The following NCOA7 variants were observed in gnomAD, a reference collection of about 807,000 sequenced individuals.
NCOA7 encodes the protein nuclear receptor coactivator 7.
NCOA7 carries 45 observed loss-of-function variants against 104.3 expected under a neutral mutation model. That is an observed-to-expected ratio of 0.43 (90% CI 0.34 to 0.55). The LOEUF (loss-of-function observed/expected upper bound fraction) is 0.55. Ranked by LOEUF, NCOA7 falls within the 20% of genes least tolerant of loss-of-function variation. The probability of loss-of-function intolerance (pLI) is 0.02; values close to 1 mark genes in which losing one functional copy is unlikely to be tolerated. For missense variants in NCOA7, 1,041 were observed against 1,119.7 expected (o/e 0.93, Z 1.00); for synonymous variants, 398 against 402.3 (o/e 0.99, Z 0.13).
intron 10 of NCOA7, among the ~76,000 whole-genome samples, chr6:125,907,082 A>T (rs76863664): frequency 0.028 from 4,201 of 152,270 alleles, 191 homozygotes; most frequent in African/African-American, 0.09. Flanking sequence ...CTCTTGTGGG[A>T]CAGGCCATGT....
chr6:125,810,415 A>G (rs541853426), intron 1 of NCOA7: 1 of 152,264 alleles, frequency 6.6e-6, no homozygotes, highest in South Asian at 2.1e-4. Flanking sequence ...GACTATCCTG[A>G]TTTAAGATTG....
rs147638589 is a variant in NCOA7, at chr6:125,832,480, G to A, written c.50+17076G>A. The stretch of plus-strand genomic sequence containing the variant: ...TATTTTATTATTTGCCAGGCAAGAG[G>A]ACACACACATGTTCATTGGTAATGC... On this transcript the variant is annotated intron_variant, in intron 2 of 15. Transcript: ENST00000392477. Among the ~76,000 whole-genome samples the A allele has an allele frequency of 8.2e-4, 125 of 152,350 alleles. 2 individuals are homozygous for A. Among genetic ancestry groups the A allele is most frequent in the African/African-American group, 2.9e-3 (119 of 41,576 alleles).
chr6:125,860,374 G>A (rs942458159), intron 3 of NCOA7, among the ~76,000 whole-genome samples: 3 of 152,156 alleles, frequency 2.0e-5, no homozygotes, highest in Admixed American at 6.5e-5. Flanking sequence ...TTGAGACAGA[G>A]TCTTGCTCTG....
At chr6:125,789,120 A>G (rs1774616904), upstream of NCOA7, among the ~76,000 whole-genome samples, 1 of 152,232 alleles carries the variant, frequency 6.6e-6, no homozygotes, top group Non-Finnish European at 1.5e-5. Flanking sequence ...CGTGTTACTT[A>G]TACATCAGAT....
At chr6:125,836,574 C>A (rs1779623972) in intron 2 of NCOA7, among the ~76,000 whole-genome samples, 1 of 152,168 alleles carries the variant, frequency 6.6e-6, no homozygotes. Context: ...GCCTTTAACT[C>A]AGCCAAAATA....
chr6:125,809,756 G>A (rs1776797314), intron 1 of NCOA7, among the ~76,000 whole-genome samples: 1 of 152,182 alleles, frequency 6.6e-6, no homozygotes, highest in South Asian at 2.1e-4. Context: ...AAGCCTCAAT[G>A]TGTACTCCTG....
At chr6:125,924,707 T>C (rs1373119212) in intron 13 of NCOA7, among the ~76,000 whole-genome samples, 1 of 152,094 alleles carries the variant, frequency 6.6e-6, no homozygotes, top group Non-Finnish European at 1.5e-5. Flanking sequence ...ATCTAATTAA[T>C]CTCAGTTATA....
rs994538148 is a variant in NCOA7 at position 125,900,071 on chromosome 6, C to A, written c.2096+9261C>A. 7.5e-6 allele frequency: 4 copies of A among 531,684 alleles called. No individual in the cohort carries two copies. In the African/African-American group the frequency reaches 7.7e-5, roughly 10 times the overall value. The allele number at this position is 531,684 out of a possible 1,614,324, so 32.9% of individuals were successfully genotyped here. On this transcript the variant is annotated intron_variant, in intron 10 of 15. Coordinates refer to ENST00000392477, the MANE Select transcript of NCOA7 (RefSeq NM_181782.5). ...TTGCAAACCTAAATGCCTGCAGGGG[C>A]TGTGGAATGGGGGTAAAGGAAGCAT...
chr6:125,795,220 A>G (rs1347505214), intron 1 of NCOA7, among the ~76,000 whole-genome samples: 1 of 152,230 alleles, frequency 6.6e-6, no homozygotes, highest in Non-Finnish European at 1.5e-5. Flanking sequence ...AGCCTTTGGC[A>G]TAAAAATGAT....
chr6:125,896,974 A>G (rs757887621), intron 10 of NCOA7, among the ~76,000 whole-genome samples: 1 of 152,244 alleles, frequency 6.6e-6, no homozygotes, highest in African/African-American at 2.4e-5. Context: ...TAAACTCATT[A>G]TGTATAAGTT....
At chr6:125,821,890 G>C (rs1050647200) in intron 2 of NCOA7, among the ~76,000 whole-genome samples, 3 of 152,194 alleles carry the variant, frequency 2.0e-5, no homozygotes, top group Non-Finnish European at 4.4e-5. Flanking sequence ...CAGAGTCTGA[G>C]GTCCAGTGGA....
chr6:125,840,876 T>G (rs1780090368), intron 2 of NCOA7, among the ~76,000 whole-genome samples: 1 of 16,660 alleles, frequency 6.0e-5, no homozygotes, highest in African/African-American at 1.5e-4. Context: ...TGGTTTTTTT[T>G]TTTTTTTTTT....
chr6:125,789,649 AAATT>A (rs1289867375), upstream of NCOA7, among the ~76,000 whole-genome samples: 2 of 152,266 alleles, frequency 1.3e-5, no homozygotes, highest in African/African-American at 4.8e-5. Context: ...CCTGACGTCT[AAATT>A]AATACGTGCT....
rs1483676895 is a variant in NCOA7, at chr6:125,889,784, A to T, written c.1730A>T (p.Glu577Val). ...AGDPITEGNK[E>V]PDKTWVKKGE... ...GATCCCATAACTGAGGGCAATAAAG[A>T]GCCAGATAAGACCTGGGTGAAAAAG... is the stretch of plus-strand genomic sequence containing the variant. The change falls in exon 9 of 16, where the codon GAG (glutamate) becomes GTG (valine). Residue 577 changes from glutamate to valine, a missense_variant. By Grantham distance (121) the Glu-to-Val change is moderately radical (BLOSUM62 -2). Around this residue, in one of 2 missense-constraint regions of NCOA7, gnomAD observed 914 missense variants for 942.7 expected, o/e 0.97. Coordinates refer to ENST00000392477, the MANE Select transcript of NCOA7 (RefSeq NM_181782.5). 6.2e-7 allele frequency: 1 copy of T among 1,612,066 alleles called. No individual in the cohort carries two copies. Among genetic ancestry groups the T allele is most frequent in the Non-Finnish European group, 8.5e-7 (1 of 1,179,418 alleles).
intron 2 of NCOA7, among the ~76,000 whole-genome samples, chr6:125,853,947 G>C (rs1544292): frequency 0.54 from 81,499 of 151,626 alleles, 22,175 homozygotes; most frequent in East Asian, 0.73. Flanking sequence ...GAACAATGCA[G>C]TGAAATATCA....
intron 2 of NCOA7, among the ~76,000 whole-genome samples, chr6:125,842,405 T>C (rs1268804863): frequency 6.6e-6 from 1 of 152,218 alleles, no homozygotes; most frequent in Non-Finnish European, 1.5e-5. Flanking sequence ...CAGAATTATG[T>C]CACTGCAATA....
intron 3 of NCOA7, among the ~76,000 whole-genome samples, chr6:125,860,648 C>T (rs886230508): frequency 1.6e-4 from 25 of 152,218 alleles, no homozygotes; most frequent in East Asian, 1.5e-3. Flanking sequence ...GCACCCCGCC[C>T]GGATCCTTTT....
chr6:125,888,879 A>T, intron 8 of NCOA7, 60 bp from the exon 9 acceptor site: 1 of 1,338,168 alleles, frequency 7.5e-7, no homozygotes, highest in Non-Finnish European at 1.0e-6. Context: ...CCTTTCCTCC[A>T]TTTTGTTTTT....
chr6:125,872,682 C>G (rs142260623), intron 3 of NCOA7, among the ~76,000 whole-genome samples: 1 of 152,176 alleles, frequency 6.6e-6, no homozygotes, highest in Non-Finnish European at 1.5e-5. Flanking sequence ...GAAAGAAAGA[C>G]GAGTATTGTT....
Sources: allele counts gnomAD v4.1 joint callset (sites outside exome capture counted in the v4.1 genomes callset), GRCh38; gene constraint gnomAD v4.1.1; regional missense constraint gnomAD v4.1.1; transcripts MANE v1.5; gene names NCBI Gene and HGNC (gene_info 2026-07-23, HGNC 2026-07-21).